The following LMO7 variants were observed in gnomAD, a reference collection of about 807,000 sequenced individuals.
LMO7 encodes LIM domain 7, also known as LIM domain only protein 7.
A neutral mutation model predicts 206.5 loss-of-function variants in LMO7; 120 were observed. That is an observed-to-expected ratio of 0.58 (90% CI 0.50 to 0.68). The LOEUF is 0.68. Ranked by LOEUF, LMO7 falls within the 30% of genes least tolerant of loss-of-function variation. LMO7 has a pLI of 0.00. For missense variants in LMO7, 1,959 were observed against 1,957.9 expected, an observed-to-expected ratio of 1.00 and a Z score of -0.01; for synonymous variants, 706 against 681.5, an observed-to-expected ratio of 1.04 and a Z score of -0.56.
chr13:75,776,164 T>G (rs1367975022), intron 4 of LMO7, among the ~76,000 whole-genome samples: 7 of 25,128 alleles, frequency 2.8e-4, no homozygotes, highest in Non-Finnish European at 3.9e-4. Context: ...ATATATCGGA[T>G]ATATATATAT....
chr13:75,688,302 T>G (rs1273133113), intron 1 of LMO7, among the ~76,000 whole-genome samples: 2 of 152,172 alleles, frequency 1.3e-5, no homozygotes, highest in Non-Finnish European at 2.9e-5. Context: ...GTCTATATAA[T>G]TGTTAAAAAT....
At chr13:75,674,228 T>TA (rs1044482946) in intron 1 of LMO7, among the ~76,000 whole-genome samples, 1 of 152,248 alleles carries the variant, frequency 6.6e-6, no homozygotes, top group African/African-American at 2.4e-5. Flanking sequence ...AAACAATGCT[T>TA]AAACACATCT....
chr13:75,637,064 G>A (rs1036958359), intron 1 of LMO7, among the ~76,000 whole-genome samples: 3 of 152,196 alleles, frequency 2.0e-5, no homozygotes, highest in Non-Finnish European at 4.4e-5. Flanking sequence ...GCGGGGCACA[G>A]CCCAGAGCGC....
chr13:75,810,524 A>G (rs618930), intron 11 of LMO7, among the ~76,000 whole-genome samples: 52,543 of 152,066 alleles, frequency 0.35, 9,471 homozygotes, highest in East Asian at 0.61. Context: ...ATGCAAAGGC[A>G]CATTATCCGC....
intron 4 of LMO7, among the ~76,000 whole-genome samples, chr13:75,793,376 A>G (rs1245856803): frequency 2.0e-5 from 3 of 152,128 alleles, no homozygotes; most frequent in Admixed American, 2.0e-4. Context: ...CCCGGGTTCA[A>G]GCTGTTCTCC....
chr13:75,741,674 T>G (rs150311698), intron 3 of LMO7, among the ~76,000 whole-genome samples: 1 of 152,180 alleles, frequency 6.6e-6, no homozygotes, highest in Non-Finnish European at 1.5e-5. Context: ...TTTGATAAAA[T>G]TCAACACTGC....
At chr13:75,791,216 A>C (rs1441674477) in intron 4 of LMO7, among the ~76,000 whole-genome samples, 1 of 152,122 alleles carries the variant, frequency 6.6e-6, no homozygotes, top group Non-Finnish European at 1.5e-5. Flanking sequence ...AGTTTGTACA[A>C]AGCACTTTGG....
rs371885778 is a variant in LMO7, at chr13:75,695,329, T to C, written c.70-17853T>C. The stretch of plus-strand genomic sequence containing the variant: ...CTTCTGAACATTTTCTGTGTCAGGA[T>C]TTTTTCTCCCAAAATGCACACCATT... On this transcript the variant is annotated intron_variant, in intron 1 of 30. Transcript: ENST00000377534. 3.9e-5 allele frequency among the ~76,000 whole-genome samples: 6 copies of C among 152,172 alleles called. No individual in the cohort carries two copies. The South Asian group carries it at 1.0e-3, about 26-fold the overall frequency.
intron 18 of LMO7, among the ~76,000 whole-genome samples, chr13:75,835,940 A>G (rs1442683099): frequency 1.3e-5 from 2 of 152,154 alleles, no homozygotes; most frequent in South Asian, 2.1e-4. Context: ...TTAAATTAAT[A>G]ATTAAATTTA....
intron 3 of LMO7, 88 bp from the exon 4 acceptor site, chr13:75,760,844 T>G (rs2048132906): frequency 6.4e-7 from 1 of 1,571,320 alleles, no homozygotes; most frequent in African/African-American, 1.4e-5. Context: ...AATTGGACTT[T>G]GAAGCTTCGA....
chr13:75,778,781 C>T (rs576399489), intron 4 of LMO7, among the ~76,000 whole-genome samples: 6 of 152,198 alleles, frequency 3.9e-5, no homozygotes, highest in Admixed American at 3.3e-4. Context: ...TCAGTTCAGA[C>T]GTAATTTTAA....
At position 75,853,207 on chromosome 13, in the gene LMO7, C is replaced by CCA. The variant is rs1566624390; in HGVS notation, c.4482_4483dup (p.Pro1495HisfsTer29). The CCA allele has an allele frequency of 6.2e-7, 1 of 1,614,130 alleles. No individual in the cohort carries two copies. The highest frequency in any genetic ancestry group is 8.5e-7 in the Non-Finnish European group (1 of 1,180,014). Reference sequence around the variant, plus strand: ...TTCCTCTGTGCAAGACTTTAGTCGCCCACCACCTCAGCTGGTGTCCACATC... The same window carrying CCA: ...TTCCTCTGTGCAAGACTTTAGTCGCCCACACCACCTCAGCTGGTGTCCACATC... On this transcript the variant is annotated frameshift_variant, in exon 28 of 31. Transcript: ENST00000377534. LOFTEE classifies it high-confidence loss of function.
In LMO7 at chr13:75,841,637, G is replaced by T. The variant is rs2059564138; in HGVS notation, c.3685G>T (p.Val1229Phe). The change falls in exon 24 of 31, where the codon GTC (valine) becomes TTC (phenylalanine). Residue 1229 changes from valine to phenylalanine, a missense_variant. By Grantham distance (50) the Val-to-Phe change is conservative. Coordinates refer to ENST00000377534, the MANE Select transcript of LMO7 (RefSeq NM_001306080.2). Reference protein sequence around the residue: ...NSKYLDEELMVLSSNSMSLTT... With the variant: ...NSKYLDEELMFLSSNSMSLTT... The stretch of plus-strand genomic sequence containing the variant: ...TTCACTGGTCACCTAGGAACTGATG[G>T]TCCTAAGCTCAAACAGCATGTCTCT... The T allele has an allele frequency of 6.2e-7, 1 of 1,609,432 alleles. No individual in the cohort carries two copies. Among genetic ancestry groups the T allele is most frequent in the Admixed American group, 1.7e-5 (1 of 59,414 alleles).
Position 75,688,071 on chromosome 13 carries a change from C to T in LMO7, c.70-25111C>T, listed in dbSNP as rs575450943. The stretch of plus-strand genomic sequence containing the variant: ...CCGCCACGTAAGATGTGCCCTTCTC[C>T]TCCTTTGCCTTCCACCATGATTGTG... On this transcript the variant is annotated intron_variant, in intron 1 of 30. Coordinates refer to ENST00000377534, the MANE Select transcript of LMO7 (RefSeq NM_001306080.2). Among the ~76,000 whole-genome samples, 19 of 152,298 alleles carry T rather than the reference C, an allele frequency of 1.2e-4. 1 individual carries two copies. The South Asian group carries it at 3.9e-3, about 32-fold the overall frequency.
intron 4 of LMO7, among the ~76,000 whole-genome samples, chr13:75,773,373 A>T (rs899599722): frequency 1.3e-5 from 2 of 152,124 alleles, no homozygotes; most frequent in African/African-American, 2.4e-5. Flanking sequence ...ATCACCAAAA[A>T]CTTTTGAGCA....
rs371825707 is a variant in LMO7, at chr13:75,807,630, C to T, written c.1347C>T (p.Leu449=). The T allele has an allele frequency of 5.0e-6, 8 of 1,613,848 alleles. No individual in the cohort carries two copies. In the African/African-American group the frequency reaches 6.7e-5, roughly 13 times the overall value. The change falls in exon 10 of 31, where the codon CTC becomes CTT. Residue 449 remains leucine, a synonymous_variant. Transcript: ENST00000377534. ...SYAPGYRRDD[L]EMAALDPDLE... ...CACCAGGCTATAGAAGAGATGACCT[C>T]GAGATGGCAGCCCTGGATCCTGACT...
At chr13:75,621,776 G>A (rs1395883644) in exon 1 of LMO7, 3 of 1,613,278 alleles carry the variant, frequency 1.9e-6, no homozygotes, top group Admixed American at 3.3e-5. Context: ...ACAGAGCTCG[G>A]AGCTCTGGAA....
chr13:75,626,573 T>TAC (rs2034130422), intron 2 of LMO7, among the ~76,000 whole-genome samples: 2 of 75,732 alleles, frequency 2.6e-5, no homozygotes, highest in East Asian at 3.9e-4. Flanking sequence ...TCTTAACATA[T>TAC]ATATTATATA....
In LMO7 at chr13:75,823,743, C is replaced by G. The variant is rs2057829638; in HGVS notation, c.2819C>G (p.Pro940Arg). ...ACAAGGCTGCCCTCTCCTACATCCC[C>G]CTTCTCATCTCTTTCCCAAGACCAG... ...DVTRLPSPTS[P>R]FSSLSQDQAA... is the part of the protein sequence containing the mutation. The change falls in exon 15 of 31, where the codon CCC becomes CGC. Residue 940 changes from proline to arginine, a missense_variant. Pro to Arg is a moderately radical substitution (Grantham distance 103). Coordinates refer to ENST00000377534, the MANE Select transcript of LMO7 (RefSeq NM_001306080.2). 1 of 1,614,116 alleles carries G rather than the reference C, an allele frequency of 6.2e-7. No individual in the cohort carries two copies. The highest frequency in any genetic ancestry group is 8.5e-7 in the Non-Finnish European group (1 of 1,180,010).
Sources: gnomAD v4.1 joint callset for allele counts (sites outside exome capture counted in the v4.1 genomes callset) on GRCh38, gnomAD v4.1.1 for gene constraint, MANE v1.5 for transcripts, NCBI Gene and HGNC (gene_info 2026-07-23, HGNC 2026-07-21) for gene names.